The following LMBRD1 variants were observed in gnomAD, a reference collection of about 807,000 sequenced individuals.
The protein encoded by LMBRD1 is LMBR1 domain containing 1.
A neutral mutation model predicts 74.8 loss-of-function variants in LMBRD1; 64 were observed. The ratio of observed to expected loss-of-function variants is 0.86; its 90% confidence interval spans 0.70 to 1.05. The LOEUF (loss-of-function observed/expected upper bound fraction) is 1.05, where lower values mean the gene tolerates loss of function less well. Ranked by LOEUF, LMBRD1 falls within the 50% of genes least tolerant of loss-of-function variation. LMBRD1 has a pLI of 0.00. For missense variants in LMBRD1, 652 were observed against 645.9 expected (o/e 1.01, Z -0.10); for synonymous variants, 204 against 216.3 (o/e 0.94, Z 0.50).
intron 14 of LMBRD1, among the ~76,000 whole-genome samples, chr6:69,688,141 T>C (rs1012748890): frequency 4.6e-5 from 7 of 152,126 alleles, no homozygotes; most frequent in African/African-American, 1.4e-4. Flanking sequence ...AAAGCATCAA[T>C]GTCACTTTTT....
intron 3 of LMBRD1, among the ~76,000 whole-genome samples, chr6:69,764,062 C>G (rs1243794885): frequency 6.6e-6 from 1 of 152,046 alleles, no homozygotes; most frequent in African/African-American, 2.4e-5. Context: ...AAACTTAACA[C>G]TCTTGGGGCT....
At chr6:69,757,170 A>G (rs1456421795) in intron 3 of LMBRD1, among the ~76,000 whole-genome samples, 1 of 152,246 alleles carries the variant, frequency 6.6e-6, no homozygotes, top group African/African-American at 2.4e-5. Context: ...TGAATCTCAT[A>G]GACCTTGTGT....
At chr6:69,723,038 T>C (rs1028357482) in intron 7 of LMBRD1, among the ~76,000 whole-genome samples, 4 of 152,068 alleles carry the variant, frequency 2.6e-5, no homozygotes, top group Non-Finnish European at 5.9e-5. Context: ...ATGTTTATAT[T>C]GGGGAACATA....
intron 7 of LMBRD1, among the ~76,000 whole-genome samples, chr6:69,729,254 C>T (rs1766800495): frequency 6.7e-6 from 1 of 148,670 alleles, no homozygotes; most frequent in East Asian, 2.0e-4. Context: ...ACTGTTAATG[C>T]CCTTCAGGTC....
Position 69,780,518 on chromosome 6 carries a change from C to G in LMBRD1, c.283G>C (p.Asp95His). ...ANANVSRQIE[D>H]TVLYGYYTLY... The stretch of plus-strand genomic sequence containing the variant: ...CTATAGTAACCGTATAATACAGTGT[C>G]CTCAATCTGTCTGCTGACATTAGCA... Residue 95 changes from aspartate to histidine, a missense_variant, in exon 3 of 16, where the codon GAC (aspartate) becomes CAC (histidine). This residue lies in a region of LMBRD1 where 598 missense variants were observed against 581.8 expected (regional missense o/e 1.03). Transcript: ENST00000649934. The G allele has an allele frequency of 6.2e-7, 1 of 1,610,938 alleles. No individual in the cohort carries two copies. Among genetic ancestry groups the G allele is most frequent in the Non-Finnish European group, 8.5e-7 (1 of 1,177,272 alleles).
intron 7 of LMBRD1, among the ~76,000 whole-genome samples, chr6:69,733,589 C>T (rs1008659074): frequency 2.0e-5 from 3 of 152,118 alleles, no homozygotes; most frequent in Non-Finnish European, 4.4e-5. Context: ...CATGATGCCC[C>T]TCTTGAACAG....
intron 4 of LMBRD1, 87 bp downstream of exon 4, chr6:69,752,172 G>T: frequency 7.3e-7 from 1 of 1,367,774 alleles, no homozygotes; most frequent in East Asian, 2.5e-5. Context: ...CACTGCTCTA[G>T]AAAAAATTCA....
chr6:69,786,143 C>T (rs1765939598), intron 2 of LMBRD1, among the ~76,000 whole-genome samples: 1 of 152,190 alleles, frequency 6.6e-6, no homozygotes, highest in Non-Finnish European at 1.5e-5. Flanking sequence ...AGAAAAGCAA[C>T]CTCATTTGCC....
At chr6:69,745,171 T>G (rs1251049720) in intron 5 of LMBRD1, among the ~76,000 whole-genome samples, 1 of 151,910 alleles carries the variant, frequency 6.6e-6, no homozygotes, top group Non-Finnish European at 1.5e-5. Flanking sequence ...TCATACATAT[T>G]TATTTTCATG....
chr6:69,732,413 T>A (rs891305673), intron 7 of LMBRD1, among the ~76,000 whole-genome samples: 1 of 152,064 alleles, frequency 6.6e-6, no homozygotes, highest in African/African-American at 2.4e-5. Context: ...AAGAGGGCCC[T>A]CACCAGACAC....
intron 4 of LMBRD1, 134 bp downstream of exon 4, chr6:69,752,120 TTTTTA>T (rs1450204472): frequency 7.9e-6 from 6 of 763,800 alleles, no homozygotes; most frequent in African/African-American, 1.8e-5. Flanking sequence ...CAACTGTTTC[TTTTTA>T]TTTTAATTTA....
intron 7 of LMBRD1, among the ~76,000 whole-genome samples, chr6:69,728,266 T>C (rs538296192): frequency 6.6e-5 from 10 of 152,184 alleles, no homozygotes; most frequent in African/African-American, 2.4e-4. Context: ...TGCTAAACCA[T>C]TAGACACTAC....
intron 5 of LMBRD1, among the ~76,000 whole-genome samples, chr6:69,745,230 G>A (rs111523927): frequency 1.1e-4 from 16 of 151,260 alleles, no homozygotes; most frequent in African/African-American, 2.4e-4. Context: ...TACAATTACC[G>A]GGTAGGACAA....
intron 7 of LMBRD1, among the ~76,000 whole-genome samples, chr6:69,724,348 TAAAAA>T (rs60541159): frequency 9.0e-5 from 11 of 122,126 alleles, no homozygotes; most frequent in African/African-American, 3.2e-4. Flanking sequence ...AAGACACATT[TAAAAA>T]AAAAAAAAAA....
At chr6:69,782,955 A>T (rs144570968) in intron 2 of LMBRD1, among the ~76,000 whole-genome samples, 6 of 152,290 alleles carry the variant, frequency 3.9e-5, no homozygotes, top group Non-Finnish European at 7.4e-5. Flanking sequence ...TCTAAATGCC[A>T]GAATAGAAAT....
chr6:69,720,123 A>T (rs1181645678), intron 7 of LMBRD1, among the ~76,000 whole-genome samples: 1 of 152,232 alleles, frequency 6.6e-6, no homozygotes, highest in Non-Finnish European at 1.5e-5. Flanking sequence ...ATGATTAAAC[A>T]TTGCTTAAAC....
chr6:69,683,357 A>G (rs1290383342), intron 14 of LMBRD1, among the ~76,000 whole-genome samples: 2 of 152,046 alleles, frequency 1.3e-5, no homozygotes, highest in Non-Finnish European at 2.9e-5. Flanking sequence ...CTCTCTGGTA[A>G]TAATTCACTA....
chr6:69,750,420 G>A (rs895050531), intron 4 of LMBRD1, among the ~76,000 whole-genome samples: 1 of 151,846 alleles, frequency 6.6e-6, no homozygotes, highest in Non-Finnish European at 1.5e-5. Context: ...TACTCCAAAG[G>A]CTAAGAAAAG....
chr6:69,749,826 T>C (rs1765082094), intron 4 of LMBRD1, among the ~76,000 whole-genome samples: 3 of 149,142 alleles, frequency 2.0e-5, no homozygotes, highest in Admixed American at 1.3e-4. Context: ...CATGAGTATA[T>C]ATTAAATATA....
Sources: allele counts gnomAD v4.1 joint callset (sites outside exome capture counted in the v4.1 genomes callset), GRCh38; gene constraint gnomAD v4.1.1; regional missense constraint gnomAD v4.1.1; transcripts MANE v1.5; gene names NCBI Gene and HGNC (gene_info 2026-07-23, HGNC 2026-07-21).